PXDNL: variants seen among roughly 807,000 people sequenced by gnomAD.
The protein encoded by PXDNL is peroxidasin like.
In PXDNL, 145 loss-of-function variants were observed where a neutral mutation model predicts 150.8. That is an observed-to-expected ratio of 0.96 (90% confidence interval 0.84 to 1.10). PXDNL has a LOEUF of 1.10. Ranked by LOEUF, PXDNL falls within the 50% of genes least tolerant of loss-of-function variation. PXDNL has a pLI of 0.00. For missense variants in PXDNL, 2,087 were observed against 1,873.9 expected, an observed-to-expected ratio of 1.11 and a Z score of -2.10; for synonymous variants, 757 against 725.7, an observed-to-expected ratio of 1.04 and a Z score of -0.69.
intron 8 of PXDNL, among the ~76,000 whole-genome samples, chr8:51,460,624 C>T (rs557069324): frequency 7.3e-5 from 11 of 151,598 alleles, no homozygotes; most frequent in South Asian, 2.1e-4. Flanking sequence ...TGCCAAGACC[C>T]GTTCCTAGTC....
chr8:51,590,740 A>ACAAG (rs892975689), intron 3 of PXDNL, among the ~76,000 whole-genome samples: 5 of 151,538 alleles, frequency 3.3e-5, no homozygotes, highest in Admixed American at 6.6e-5. Flanking sequence ...TTTTTATTTC[A>ACAAG]CAAGCTTACA....
chr8:51,792,521 C>T (rs2037523056), intron 1 of PXDNL, among the ~76,000 whole-genome samples: 1 of 152,234 alleles, frequency 6.6e-6, no homozygotes, highest in South Asian at 2.1e-4. Context: ...CCTAAAACTA[C>T]CGAATTCCCG....
At chr8:51,344,825 T>C (rs577414379) in intron 20 of PXDNL, among the ~76,000 whole-genome samples, 1 of 152,330 alleles carries the variant, frequency 6.6e-6, no homozygotes, top group South Asian at 2.1e-4. Context: ...ATGCCCATTT[T>C]ACAGCAGAGG....
At chr8:51,739,640 C>T (rs746654640) in intron 1 of PXDNL, among the ~76,000 whole-genome samples, 29 of 151,866 alleles carry the variant, frequency 1.9e-4, no homozygotes, top group East Asian at 3.9e-4. Context: ...TTTGGGAGGC[C>T]GAGGCGGGTG....
At chr8:51,388,677 T>C (rs1807800621) in intron 17 of PXDNL, among the ~76,000 whole-genome samples, 1 of 152,206 alleles carries the variant, frequency 6.6e-6, no homozygotes, top group Admixed American at 6.5e-5. Context: ...TCCTGTTTTC[T>C]ACCTCTTGGA....
intron 3 of PXDNL, among the ~76,000 whole-genome samples, chr8:51,567,184 T>C (rs1047920697): frequency 6.6e-6 from 1 of 151,838 alleles, no homozygotes; most frequent in Non-Finnish European, 1.5e-5. Context: ...AGATGTGTTG[T>C]ATGGCATATA....
intron 3 of PXDNL, among the ~76,000 whole-genome samples, chr8:51,572,297 A>G (rs1812962532): frequency 6.6e-6 from 1 of 151,976 alleles, no homozygotes; most frequent in African/African-American, 2.4e-5. Context: ...ATAATTCATA[A>G]TAGCCAAAAT....
intron 12 of PXDNL, among the ~76,000 whole-genome samples, chr8:51,443,951 T>C (rs1809612396): frequency 6.6e-6 from 1 of 152,198 alleles, no homozygotes. Flanking sequence ...TACAAATGTA[T>C]ACATGTGCCA....
rs1469690522 is a variant in PXDNL, at chr8:51,409,226, T to C, written c.2398A>G (p.Thr800Ala). 2.6e-6 allele frequency: 4 copies of C among 1,555,030 alleles called. No homozygotes were observed. The African/African-American group carries it at 5.5e-5, about 21-fold the overall frequency. The change falls in exon 17 of 23, where the codon ACG (threonine) becomes GCG (alanine). Residue 800 changes from threonine to alanine, a missense_variant. Transcript: ENST00000356297. ...AAAVTPDHSY[T>A]RMLMHWGWFL... ...CAGCCCCAGTGCATGAGCATGCGCG[T>C]GTAGCTGTGGTCGGGGGTGACGGCC... is the stretch of plus-strand genomic sequence containing the variant.
rs904617880 is a variant in PXDNL, at chr8:51,546,294, T to G, written c.380+10546A>C. Among the ~76,000 whole-genome samples the G allele has an allele frequency of 2.0e-5, 3 of 152,290 alleles. No homozygotes were observed. In the East Asian group the frequency reaches 5.8e-4, roughly 29 times the overall value. On this transcript the variant is annotated intron_variant, in intron 4 of 22. Coordinates refer to ENST00000356297, the MANE Select transcript of PXDNL (RefSeq NM_144651.5). ...AACCTTACCTATACCTGAAATGGAT[T>G]TAAGGAGCTGAGTCTATAGCCATAC...
intron 5 of PXDNL, among the ~76,000 whole-genome samples, chr8:51,488,291 G>A (rs1810813122): frequency 6.6e-6 from 1 of 152,156 alleles, no homozygotes; most frequent in African/African-American, 2.4e-5. Context: ...GAAAGCTGCA[G>A]CCCAGAGAAT....
At chr8:51,377,507 G>A (rs563976112) in intron 17 of PXDNL, among the ~76,000 whole-genome samples, 3 of 152,334 alleles carry the variant, frequency 2.0e-5, no homozygotes, top group East Asian at 1.9e-4. Flanking sequence ...AGCTTGCAGG[G>A]AGGTGTGGAG....
chr8:51,380,954 CTAAT>C (rs1333088718), intron 17 of PXDNL, among the ~76,000 whole-genome samples: 1 of 151,946 alleles, frequency 6.6e-6, no homozygotes, highest in Non-Finnish European at 1.5e-5. Context: ...AAATCTTGGA[CTAAT>C]TATATTACTG....
chr8:51,325,266 T>C (rs868493656), intron 21 of PXDNL, among the ~76,000 whole-genome samples: 1 of 152,240 alleles, frequency 6.6e-6, no homozygotes, highest in Non-Finnish European at 1.5e-5. Flanking sequence ...GTTCTTGGTA[T>C]GATGAATAAT....
intron 2 of PXDNL, among the ~76,000 whole-genome samples, chr8:51,647,016 A>G (rs562732575): frequency 3.7e-4 from 57 of 152,238 alleles, no homozygotes; most frequent in African/African-American, 1.3e-3. Context: ...AAAAGGATAC[A>G]ACGTACTTTT....
At chr8:51,735,545 T>TG (rs769391606) in intron 1 of PXDNL, among the ~76,000 whole-genome samples, 61,534 of 115,434 alleles carry the variant, frequency 0.53, 18,669 homozygotes, top group Non-Finnish European at 0.67. Flanking sequence ...TTTTTTTTTT[T>TG]TTTTTTTTTT....
At chr8:51,618,158 C>G (rs1814170068) in intron 2 of PXDNL, among the ~76,000 whole-genome samples, 1 of 152,220 alleles carries the variant, frequency 6.6e-6, no homozygotes. Flanking sequence ...CTCCAGATGG[C>G]AACAGCAGGA....
chr8:51,321,414 G>A (rs951019740), intron 21 of PXDNL, among the ~76,000 whole-genome samples: 5 of 152,124 alleles, frequency 3.3e-5, no homozygotes, highest in African/African-American at 9.7e-5. Flanking sequence ...CGGTCTTTAG[G>A]AATCCCAAGG....
chr8:51,722,556 T>C (rs1000506696), intron 1 of PXDNL, among the ~76,000 whole-genome samples: 2 of 152,118 alleles, frequency 1.3e-5, no homozygotes, highest in Non-Finnish European at 2.9e-5. Flanking sequence ...AGGGTTTTTA[T>C]TGAGTGGTGA....
Sources: allele counts gnomAD v4.1 joint callset (sites outside exome capture counted in the v4.1 genomes callset), GRCh38; gene constraint gnomAD v4.1.1; transcripts MANE v1.5; gene names NCBI Gene and HGNC (gene_info 2026-07-23, HGNC 2026-07-21).